The following NOTCH2NLC variants were observed in gnomAD, a reference collection of about 807,000 sequenced individuals.
NOTCH2NLC encodes notch homolog 2 N-terminal-like protein C.
In NOTCH2NLC, 4 loss-of-function variants were observed where a neutral mutation model predicts 17.7. That is an observed-to-expected ratio of 0.23 (90% CI 0.11 to 0.52). The LOEUF (loss-of-function observed/expected upper bound fraction) is 0.52. Among genes scored for constraint, NOTCH2NLC ranks in the 20% least tolerant of loss-of-function variants. The probability of loss-of-function intolerance (pLI) is 0.96; values close to 1 mark genes in which losing one functional copy is unlikely to be tolerated. For synonymous variants in NOTCH2NLC, 18 were observed against 86.0 expected, an observed-to-expected ratio of 0.21 and a Z score of 4.38; for missense variants, 57 against 207.2, an observed-to-expected ratio of 0.28 and a Z score of 4.45.
intron 2 of NOTCH2NLC, among the ~76,000 whole-genome samples, chr1:149,440,227 A>G (rs2084508870): frequency 6.7e-6 from 1 of 149,494 alleles, no homozygotes; most frequent in Non-Finnish European, 1.5e-5. Flanking sequence ...CTGAAGCACT[A>G]TAGAATCCTC....
intron 1 of NOTCH2NLC, among the ~76,000 whole-genome samples, chr1:149,429,809 G>A (rs1489399514): frequency 4.0e-5 from 6 of 150,494 alleles, no homozygotes; most frequent in Non-Finnish European, 7.4e-5. Flanking sequence ...ATAGAGTGGT[G>A]TGGGTAGAGG....
chr1:149,438,967 C>T (rs1230759690), intron 2 of NOTCH2NLC, among the ~76,000 whole-genome samples: 2 of 148,408 alleles, frequency 1.3e-5, no homozygotes, highest in Non-Finnish European at 3.0e-5. Flanking sequence ...CCTCCCACTT[C>T]TGCCTCCCAA....
rs1475705829 is a variant in NOTCH2NLC, at chr1:149,409,282, A to G, written c.135+18360A>G. Among the ~76,000 whole-genome samples, 8 of 150,490 alleles carry G rather than the reference A, an allele frequency of 5.3e-5. 1 individual carries two copies. Among genetic ancestry groups the G allele is most frequent in the African/African-American group, 1.9e-4 (8 of 41,054 alleles). On this transcript the variant is annotated intron_variant, in intron 1 of 4. Transcript: ENST00000650865. ...TTAAATTTCAAATTAAAAAATTTGA[A>G]TATCTGAATTAAGTATCTCTGATTT...
Position 149,470,141 on chromosome 1 carries a change from T to G in NOTCH2NLC, c.*5988T>G, listed in dbSNP as rs1300663687. Among the ~76,000 whole-genome samples, 1 of 151,370 alleles carries G rather than the reference T, an allele frequency of 6.6e-6. No individual in the cohort carries two copies. Among genetic ancestry groups the G allele is most frequent in the Non-Finnish European group, 1.5e-5 (1 of 67,610 alleles). On this transcript the variant is annotated 3_prime_UTR_variant, in exon 5 of 5. Coordinates refer to ENST00000650865, the MANE Select transcript of NOTCH2NLC (RefSeq NM_001364013.2). ...GTAAAGTTTCTGTTTCAGTACTTAT[T>G]CCTACTTACTAGCCGTTTAATCTTG...
rs1231515853 is a variant in NOTCH2NLC, at chr1:149,464,819, C to A, written c.*666C>A. The A allele has an allele frequency of 5.3e-5, 8 of 151,462 alleles. No individual in the cohort carries two copies. In the East Asian group the frequency reaches 9.9e-4, roughly 19 times the overall value. The allele number at this position is 151,462 out of a possible 1,614,324, so 9.4% of individuals were successfully genotyped here. ...TGTGCTAAGTAAGCAGAATTGCCTC[C>A]AAAAGAAGTTGTTCTAGTTACTCTT... On this transcript the variant is annotated 3_prime_UTR_variant, in exon 5 of 5. Coordinates refer to ENST00000650865, the MANE Select transcript of NOTCH2NLC (RefSeq NM_001364013.2).
intron 1 of NOTCH2NLC, among the ~76,000 whole-genome samples, chr1:149,421,498 C>CAAA (rs1186003741): frequency 4.9e-4 from 18 of 36,722 alleles, no homozygotes; most frequent in South Asian, 9.9e-4. Context: ...GACTCCATCT[C>CAAA]AAAAAAAAAA....
chr1:149,395,004 A>G (rs1247717168), intron 1 of NOTCH2NLC, among the ~76,000 whole-genome samples: 1 of 147,776 alleles, frequency 6.8e-6, no homozygotes, highest in Non-Finnish European at 1.5e-5. Context: ...TCTGATGTTC[A>G]TTGTTCATGG....
rs1259384635 is a variant in NOTCH2NLC, at chr1:149,415,027, T to C, written c.136-15915T>C. 2.0e-3 allele frequency among the ~76,000 whole-genome samples: 219 copies of C among 110,480 alleles called. 2 individuals are homozygous for C. Among genetic ancestry groups the C allele is most frequent in the Middle Eastern group, 4.3e-3 (1 of 232 alleles). 72.5% of individuals were successfully genotyped at this position (110,480 alleles called of 152,430 possible). On this transcript the variant is annotated intron_variant, in intron 1 of 4. Transcript: ENST00000650865. ...CTCCCTTTCATTGTCTGGGTTGGTATAAGTAAAAATCCTTGTTTGAAGTTA... is the reference window on the plus strand; with the variant it reads ...CTCCCTTTCATTGTCTGGGTTGGTACAAGTAAAAATCCTTGTTTGAAGTTA...
In NOTCH2NLC at chr1:149,390,829, C is replaced by CGGCGGCGGCGGCGGCGGCGGCGGA. The variant is rs1165196975; in HGVS notation, c.44_45insCGGCGGCGGCGGCGGCGGCGGAGG (p.Gly11_Gly18dup). 4.1e-4 allele frequency: 529 copies of CGGCGGCGGCGGCGGCGGCGGCGGA among 1,285,060 alleles called. 5 individuals carry two copies. Among genetic ancestry groups the CGGCGGCGGCGGCGGCGGCGGCGGA allele is most frequent in the Middle Eastern group, 5.8e-4 (2 of 3,444 alleles). The allele number at this position is 1,285,060 out of a possible 1,614,324, so 79.6% of individuals were successfully genotyped here. ...GCGGCGGCGGCGGCGGCGGCGGCGG[C>CGGCGGCGGCGGCGGCGGCGGCGGA]GGAGGAGGCGGCGACCGAGAAGATG... On this transcript the variant is annotated inframe_insertion, in exon 1 of 5. Transcript: ENST00000650865.
intron 1 of NOTCH2NLC, among the ~76,000 whole-genome samples, chr1:149,427,235 A>T (rs2084417961): frequency 6.7e-6 from 1 of 149,658 alleles, no homozygotes; most frequent in South Asian, 2.1e-4. Context: ...CATATACAAA[A>T]AAATTCTTCT....
chr1:149,393,691 T>C, intron 1 of NOTCH2NLC, among the ~76,000 whole-genome samples: 2 of 144,870 alleles, frequency 1.4e-5, no homozygotes, highest in East Asian at 4.5e-4. Context: ...TAATTTTCTT[T>C]CAGATGGTGA....
chr1:149,430,117 G>A (rs1211207074), intron 1 of NOTCH2NLC, among the ~76,000 whole-genome samples: 3 of 147,460 alleles, frequency 2.0e-5, no homozygotes, highest in Non-Finnish European at 3.0e-5. Flanking sequence ...CAATGAAAAT[G>A]TCTACTATTG....
At chr1:149,416,708 A>G (rs1411545789) in intron 1 of NOTCH2NLC, among the ~76,000 whole-genome samples, 5 of 149,812 alleles carry the variant, frequency 3.3e-5, no homozygotes, top group Admixed American at 2.0e-4. Context: ...AAAAAATTCT[A>G]AACAATTTCA....
At chr1:149,394,345 T>C (rs2084193459) in intron 1 of NOTCH2NLC, among the ~76,000 whole-genome samples, 1 of 150,812 alleles carries the variant, frequency 6.6e-6, no homozygotes, top group East Asian at 2.0e-4. Context: ...ATTTAAGAAA[T>C]TTCCATAACA....
rs1428413104 is a variant in NOTCH2NLC at position 149,460,179 on chromosome 1, A to T, written c.470-3312A>T. 2.7e-3 allele frequency among the ~76,000 whole-genome samples: 387 copies of T among 142,366 alleles called. 5 individuals carry two copies. The highest frequency in any genetic ancestry group is 9.2e-3 in the African/African-American group (356 of 38,706). The allele number at this position is 142,366 out of a possible 152,430, so 93.4% of individuals were successfully genotyped here. On this transcript the variant is annotated intron_variant, in intron 3 of 4. Transcript: ENST00000650865. ...AGTTTTGAGTTGTTTTGCTATTAGG[A>T]GGCAAAGTAGGGGGGCATATACCCA...
chr1:149,448,914 C>T (rs1446216664), intron 2 of NOTCH2NLC, among the ~76,000 whole-genome samples: 2 of 144,740 alleles, frequency 1.4e-5, no homozygotes, highest in Non-Finnish European at 3.0e-5. Flanking sequence ...GGGAGTCTCG[C>T]TCTGTCGCCC....
At chr1:149,427,069 T>C (rs2084417033) in intron 1 of NOTCH2NLC, among the ~76,000 whole-genome samples, 3 of 151,412 alleles carry the variant, frequency 2.0e-5, no homozygotes, top group Admixed American at 2.0e-4. Context: ...AGTGATGTTA[T>C]AATTTGCTAA....
At chr1:149,400,140 T>TATATATATATA (rs1177183791) in intron 1 of NOTCH2NLC, among the ~76,000 whole-genome samples, 1 of 124,188 alleles carries the variant, frequency 8.1e-6, no homozygotes, top group Admixed American at 7.9e-5. Flanking sequence ...ATAATATATA[T>TATATATATATA]TTTTTTTTTA....
rs1478863891 is a variant in NOTCH2NLC, at chr1:149,419,628, A to G, written c.136-11314A>G. ...TTACAATAAAGAAAGAATATGAGTAATCAAAAGGCTGATGGAGTTGGAGGA... is the reference window on the plus strand; with the variant it reads ...TTACAATAAAGAAAGAATATGAGTAGTCAAAAGGCTGATGGAGTTGGAGGA... On this transcript the variant is annotated intron_variant, in intron 1 of 4. Transcript: ENST00000650865. Among the ~76,000 whole-genome samples the G allele has an allele frequency of 1.3e-5, 2 of 148,658 alleles. 1 individual carries two copies.
Sources: gnomAD v4.1 joint callset for allele counts (sites outside exome capture counted in the v4.1 genomes callset) on GRCh38, gnomAD v4.1.1 for gene constraint, MANE v1.5 for transcripts, NCBI Gene and HGNC (gene_info 2026-07-23, HGNC 2026-07-21) for gene names.